The following MRPL23 variants were observed in gnomAD, a reference collection of about 807,000 sequenced individuals.
MRPL23 encodes mitochondrial ribosomal protein L23.
For synonymous variants in MRPL23, 12 were observed against 34.8 expected (o/e 0.35, Z 2.30); for missense variants, 25 against 81.3 (o/e 0.31, Z 2.66).
At chr11:1,991,583 CA>C in the MRPL23 span, among the ~76,000 whole-genome samples, 3 of 129,450 alleles carry the variant, frequency 2.3e-5, no homozygotes, top group African/African-American at 7.7e-5. Flanking sequence ...CACACACACA[CA>C]CACACCCGTG....
Position 1,953,670 on chromosome 11 carries a change from G to A in MRPL23, c.297+815G>A, listed in dbSNP as rs562094145. 4.7e-4 allele frequency among the ~76,000 whole-genome samples: 48 copies of A among 103,004 alleles called. 13 individuals are homozygous for A. The highest frequency in any genetic ancestry group is 1.7e-4 in the Non-Finnish European group (9 of 51,466). 67.6% of individuals were successfully genotyped at this position (103,004 alleles called of 152,430 possible). On this transcript the variant is annotated intron_variant, in intron 4 of 4. Coordinates refer to ENST00000397298, the MANE Select transcript of MRPL23 (RefSeq NM_021134.4). ...GGTGGGGATGGGGTTGTCTTCCGGT[G>A]TAAATGGTCCCTGGAGGCCGAGCCG...
At chr11:1,994,501 T>C in the MRPL23 span, among the ~76,000 whole-genome samples, 5 of 94,426 alleles carry the variant, frequency 5.3e-5, 2 homozygotes, top group Non-Finnish European at 1.4e-4. Flanking sequence ...CTCAACTTCT[T>C]CCTCCCTCCT....
chr11:1,971,290 G>GC (rs938129635), intron 4 of MRPL23, among the ~76,000 whole-genome samples: 1 of 107,666 alleles, frequency 9.3e-6, no homozygotes, highest in South Asian at 4.0e-4. Context: ...CACACAGAGG[G>GC]CCCCCCAGTG....
downstream of MRPL23, among the ~76,000 whole-genome samples, chr11:1,959,390 G>A (rs80035882): frequency 0.013 from 111 of 8,304 alleles, 5 homozygotes; most frequent in Non-Finnish European, 0.12. Flanking sequence ...AGGGCCCTGG[G>A]TGGAGTGGGA....
intron 5 of MRPL23, among the ~76,000 whole-genome samples, chr11:1,979,584 G>GT (rs1429036459): frequency 2.5e-5 from 3 of 120,896 alleles, no homozygotes; most frequent in African/African-American, 8.5e-5. Context: ...GCCGGTGGCA[G>GT]TGGGACTCAA....
intron 1 of MRPL23, among the ~76,000 whole-genome samples, chr11:1,950,678 C>T (rs61868850): frequency 1.5e-4 from 5 of 33,972 alleles, no homozygotes; most frequent in South Asian, 2.1e-3. Flanking sequence ...TACCCTGTTT[C>T]CCGCCCACCA....
chr11:1,992,485 C>T, the MRPL23 span, among the ~76,000 whole-genome samples: 7 of 51,342 alleles, frequency 1.4e-4, 2 homozygotes, highest in Non-Finnish European at 4.0e-4. Flanking sequence ...GTGAAGACCT[C>T]GGTGCCTAAC....
chr11:1,994,434 C>T, the MRPL23 span, among the ~76,000 whole-genome samples: 5 of 93,646 alleles, frequency 5.3e-5, 1 homozygote, highest in Non-Finnish European at 1.4e-4. Flanking sequence ...GGAGGGAGCC[C>T]GGGAGCCCCT....
chr11:1,970,915 G>A (rs56182389), intron 4 of MRPL23, among the ~76,000 whole-genome samples: 1 of 80,594 alleles, frequency 1.2e-5, no homozygotes, highest in African/African-American at 3.8e-5. Context: ...ACCTGATGGA[G>A]CCTGGGAGTC....
rs1477379283 is a variant in MRPL23 at position 1,971,179 on chromosome 11, C to T, written c.298-1380C>T. 1.4e-5 allele frequency among the ~76,000 whole-genome samples: 2 copies of T among 138,682 alleles called. 1 individual carries two copies. The highest frequency in any genetic ancestry group is 3.3e-5 in the Non-Finnish European group (2 of 61,238). The allele number at this position is 138,682 out of a possible 152,430, so 91.0% of individuals were successfully genotyped here. A position where few individuals can be genotyped will look rare whatever the true frequency, so the allele number is the denominator to read the frequency against. On this transcript the variant is annotated intron_variant, in intron 4 of 4. Transcript: ENST00000397294. Reference sequence around the variant, plus strand: ...TGTGGCCGCTCCAGCCCATACTTCTCGCCATGCGTGGGTTCAGGAGCCAGC... The same window carrying T: ...TGTGGCCGCTCCAGCCCATACTTCTTGCCATGCGTGGGTTCAGGAGCCAGC...
At position 1,956,413 on chromosome 11, in the gene MRPL23, G is replaced by A. The variant is rs752646307; in HGVS notation, c.455G>A (p.Gly152Glu). Reference sequence around the variant, plus strand: ...CGGGGCGGCGTCCCCAGCTGGTTCGGGCTGTGACGGGGTGGCCAGCAGGGA... The same window carrying A: ...CGGGGCGGCGTCCCCAGCTGGTTCGAGCTGTGACGGGGTGGCCAGCAGGGA... ...PRRGGVPSWF[G>E]L The change falls in exon 5 of 5, where the codon GGG becomes GAG. Residue 152 changes from glycine to glutamate, a missense_variant. By Grantham distance (98) the Gly-to-Glu change is moderately conservative. Coordinates refer to ENST00000397298, the MANE Select transcript of MRPL23 (RefSeq NM_021134.4). 5 of 1,179,230 alleles carry A rather than the reference G, an allele frequency of 4.2e-6. No individual in the cohort carries two copies. The highest frequency in any genetic ancestry group is 5.6e-6 in the Non-Finnish European group (5 of 895,914). 73.0% of individuals were successfully genotyped at this position (1,179,230 alleles called of 1,614,324 possible).
In MRPL23 at chr11:1,971,099, G is replaced by C. The variant is rs1011470477; in HGVS notation, c.298-1460G>C. Among the ~76,000 whole-genome samples the C allele has an allele frequency of 3.4e-5, 5 of 145,648 alleles. 2 individuals carry two copies. Among genetic ancestry groups the C allele is most frequent in the Non-Finnish European group, 7.7e-5 (5 of 65,142 alleles). ...TCGTCCCTGTCCTCCCGGGGCCCCG[G>C]CCTGGCCACAGCCCTGCTTCCTGTC... On this transcript the variant is annotated intron_variant, in intron 4 of 4. Transcript: ENST00000397294.
At chr11:1,960,055 G>A (rs762770132), downstream of MRPL23, among the ~76,000 whole-genome samples, 4 of 115,490 alleles carry the variant, frequency 3.5e-5, 2 homozygotes, top group South Asian at 6.8e-4. Context: ...AGGGGTGGAG[G>A]GCCCTCGGGA....
chr11:1,952,134 AG>A lies in MRPL23; in HGVS notation c.151del (p.Val51TrpfsTer35). On this transcript the variant is annotated frameshift_variant, in exon 3 of 5. Transcript: ENST00000397298. LOFTEE classifies it high-confidence loss of function. ...TTTCTCCTTCGCCTCCAGAATGACA[AG>A]GGTGGACCTCAGGAATTACCTCGAG... ...VQFRIPMEMT[R>X]VDLRNYLEGI... 1 of 123,638 alleles carries A rather than the reference AG, an allele frequency of 8.1e-6. No individual in the cohort carries two copies. The highest frequency in any genetic ancestry group is 1.2e-5 in the Non-Finnish European group (1 of 83,366). 7.7% of individuals were successfully genotyped at this position (123,638 alleles called of 1,614,324 possible).
chr11:1,992,231 C>T, the MRPL23 span: 1 of 99,378 alleles, frequency 1.0e-5, no homozygotes, highest in Admixed American at 1.0e-4. Context: ...GTGGAGACCC[C>T]GCTCCCAGGC....
At chr11:1,978,190 C>T (rs1590059096) in intron 5 of MRPL23, among the ~76,000 whole-genome samples, 1 of 36,766 alleles carries the variant, frequency 2.7e-5, no homozygotes, top group South Asian at 1.8e-3. Context: ...CCCAGGCAGA[C>T]GGCGGGCCTA....
At chr11:1,991,676 G>A in the MRPL23 span, among the ~76,000 whole-genome samples, 1 of 135,014 alleles carries the variant, frequency 7.4e-6, no homozygotes, top group African/African-American at 2.5e-5. Context: ...AGGTTGAGGG[G>A]CTGACCTCCT....
chr11:1,989,121 G>A (rs887417687), downstream of MRPL23, among the ~76,000 whole-genome samples: 6 of 134,610 alleles, frequency 4.5e-5, 1 homozygote, highest in Admixed American at 3.7e-4. Flanking sequence ...AGGCCGGTGT[G>A]TCGTGGTGGC....
chr11:1,983,431 A>G (rs4930053), intron 5 of MRPL23: 1 of 59,694 alleles, frequency 1.7e-5, no homozygotes. Flanking sequence ...CTCTGGCCCC[A>G]CCCCATTTGC....
Sources: gnomAD v4.1 joint callset for allele counts (sites outside exome capture counted in the v4.1 genomes callset) on GRCh38, gnomAD v4.1.1 for gene constraint, MANE v1.5 for transcripts, NCBI Gene and HGNC (gene_info 2026-07-23, HGNC 2026-07-21) for gene names.